STRIP1: variants seen among roughly 807,000 people sequenced by gnomAD.
STRIP1 encodes the protein striatin interacting protein 1, also known as striatin-interacting protein 1.
Under a neutral mutation model 106.2 loss-of-function variants are expected in STRIP1, and 63 were observed. That is an observed-to-expected ratio of 0.59 (90% CI 0.48 to 0.73). The LOEUF is 0.73. STRIP1 is among the 30% of genes least tolerant of loss of function. The pLI, the probability that STRIP1 is intolerant of heterozygous loss-of-function variation, is 0.00. For missense variants in STRIP1, 857 were observed against 1,074.8 expected (o/e 0.80, Z 2.83); for synonymous variants, 390 against 413.0 (o/e 0.94, Z 0.67).
chr1:110,049,380 G>C (rs933256669), intron 16 of STRIP1, 80 bp from the exon 17 acceptor site: 7 of 1,544,678 alleles, frequency 4.5e-6, no homozygotes, highest in Non-Finnish European at 6.2e-6. Context: ...TTCAGCCAAG[G>C]CCTTTCATCC....
chr1:110,038,030 G>T, intron 2 of STRIP1, 70 bp downstream of exon 2: 2 of 816,626 alleles, frequency 2.4e-6, no homozygotes, highest in Non-Finnish European at 3.9e-6. Flanking sequence ...AATTAATAAT[G>T]AATATCATTT....
At chr1:110,050,516 A>G (rs764111404) in intron 18 of STRIP1, 107 bp downstream of exon 18, 313 of 1,090,778 alleles carry the variant, frequency 2.9e-4, no homozygotes, top group Non-Finnish European at 4.1e-4. Flanking sequence ...CGCAGGTGAA[A>G]TCACTGTGGA....
Position 110,034,644 on chromosome 1 carries a change from C to G in STRIP1, c.7C>G (p.Pro3Ala). 6.6e-7 allele frequency: 1 copy of G among 1,521,302 alleles called. No homozygotes were observed. Among genetic ancestry groups the G allele is most frequent in the Non-Finnish European group, 8.8e-7 (1 of 1,135,508 alleles). 94.2% of individuals were successfully genotyped at this position (1,521,302 alleles called of 1,614,324 possible). The change falls in exon 1 of 21, where the codon CCG (proline) becomes GCG (alanine). Residue 3 changes from proline to alanine, a missense_variant. Around this residue, in one of 2 missense-constraint regions of STRIP1, gnomAD observed 107 missense variants for 85.1 expected, o/e 1.26. Transcript: ENST00000369795. ME[P>A]AVGGPGPLIV... ...GGGGTGTGGAGCAGCCAAGATGGAG[C>G]CGGCAGTCGGCGGTCCGGGCCCACT...
upstream of STRIP1, chr1:110,034,616 C>G (rs1318874666): frequency 2.1e-5 from 31 of 1,499,616 alleles, no homozygotes; most frequent in African/African-American, 5.9e-5. Context: ...GCGAGTTAAG[C>G]TGGGGGTGTG....
intron 1 of STRIP1, among the ~76,000 whole-genome samples, chr1:110,036,627 A>G (rs1652470340): frequency 6.6e-6 from 1 of 152,214 alleles, no homozygotes; most frequent in African/African-American, 2.4e-5. Context: ...GAATGCCTGG[A>G]GGACAGGGAG....
intron 20 of STRIP1, among the ~76,000 whole-genome samples, chr1:110,052,703 CAA>C (rs1337403514): frequency 6.6e-6 from 1 of 152,116 alleles, no homozygotes; most frequent in Non-Finnish European, 1.5e-5. Flanking sequence ...TTCCTGGCCT[CAA>C]GAGATGCACC....
chr1:110,034,865 GGGGTCCC>G (rs1208475335), intron 1 of STRIP1, 48 bp downstream of exon 1: 1 of 1,375,910 alleles, frequency 7.3e-7, no homozygotes, highest in East Asian at 3.1e-5. Context: ...GGCGGCGCCG[GGGGTCCC>G]GGGCCCGGGG....
chr1:110,050,691 G>A (rs534743090), intron 18 of STRIP1, among the ~76,000 whole-genome samples: 60 of 152,342 alleles, frequency 3.9e-4, no homozygotes, highest in African/African-American at 1.3e-3. Context: ...CACTGGACTC[G>A]GCAGTAGGAG....
At chr1:110,046,881 C>T in intron 13 of STRIP1, 130 bp downstream of exon 13, 1 of 607,874 alleles carries the variant, frequency 1.6e-6, no homozygotes, top group Non-Finnish European at 2.8e-6. Context: ...GAAACCCCGT[C>T]TCTACTAAAA....
chr1:110,045,831 C>T (rs1020190062), intron 12 of STRIP1, among the ~76,000 whole-genome samples: 2 of 152,098 alleles, frequency 1.3e-5, no homozygotes, highest in Non-Finnish European at 2.9e-5. Context: ...GAGGACAAGT[C>T]CGCCCTGTGT....
At chr1:110,048,295 G>T in intron 15 of STRIP1, 1 of 203,724 alleles carries the variant, frequency 4.9e-6, no homozygotes, top group Non-Finnish European at 1.0e-5. Flanking sequence ...TGGGCACGCA[G>T]AATGCTGGCA....
chr1:110,039,351 T>C (rs776356278), intron 4 of STRIP1, 44 bp from the exon 5 acceptor site: 1 of 1,613,904 alleles, frequency 6.2e-7, no homozygotes, highest in Non-Finnish European at 8.5e-7. Context: ...CTCTGCCCAC[T>C]CAGATGCAGG....
chr1:110,050,995 T>C lies in STRIP1; in HGVS notation c.1996T>C (p.Phe666Leu), dbSNP rs1214084971. Residue 666 changes from phenylalanine (F) to leucine (L), a missense_variant, in exon 19 of 21, where the codon TTT becomes CTT. This residue lies in a region of STRIP1 where 750 missense variants were observed against 989.8 expected (regional missense o/e 0.76). Coordinates refer to ENST00000369795, the MANE Select transcript of STRIP1 (RefSeq NM_033088.4). ...DSNQFCWRNL[F>L]SCINLLRILN... ...TAACCAATTTTGCTGGAGGAACCTC[T>C]TTTCTTGTATCAATCTGCTTCGGAT... 6.2e-7 allele frequency: 1 copy of C among 1,614,010 alleles called. No individual in the cohort carries two copies. The highest frequency in any genetic ancestry group is 1.7e-5 in the Admixed American group (1 of 60,032).
rs768032498 is a variant in STRIP1 at position 110,040,689 on chromosome 1, C to T, written c.636C>T (p.Asp212=). 8.1e-6 allele frequency: 13 copies of T among 1,611,516 alleles called. No homozygotes were observed. The East Asian group carries it at 2.9e-4, about 36-fold the overall frequency. The change falls in exon 6 of 21, where the codon GAC becomes GAT. Residue 212 remains aspartate, a synonymous_variant. Coordinates refer to ENST00000369795, the MANE Select transcript of STRIP1 (RefSeq NM_033088.4). ...AVRKPAISLA[D]STDLRVLLNI... Reference sequence around the variant, plus strand: ...GGAAGCCTGCCATCTCCCTGGCTGACAGCACAGACCTCAGGTGAGGCGAGC... The same window carrying T: ...GGAAGCCTGCCATCTCCCTGGCTGATAGCACAGACCTCAGGTGAGGCGAGC...
intron 19 of STRIP1, among the ~76,000 whole-genome samples, chr1:110,051,447 T>G (rs943047396): frequency 6.6e-6 from 1 of 152,188 alleles, no homozygotes; most frequent in African/African-American, 2.4e-5. Context: ...TCCATAGCTT[T>G]CTTCAGATTC....
intron 20 of STRIP1, among the ~76,000 whole-genome samples, chr1:110,052,922 C>T (rs759367659): frequency 1.5e-4 from 23 of 152,336 alleles, no homozygotes; most frequent in Non-Finnish European, 1.6e-4. Flanking sequence ...TGAGTAAAAT[C>T]CTTCATTAGC....
At chr1:110,040,451 G>A (rs1446511082) in intron 5 of STRIP1, among the ~76,000 whole-genome samples, 184 bp from the exon 6 acceptor site, 2 of 152,218 alleles carry the variant, frequency 1.3e-5, no homozygotes, top group East Asian at 3.8e-4. Context: ...CGAAGTACTG[G>A]GATTACAGGC....
rs903102995 is a variant in STRIP1 at position 110,047,837 on chromosome 1, C to T, written c.1629C>T (p.Asn543=). The part of the protein sequence containing the change: ...PTSKAKTDSI[N]ILADVLPEEM... ...CAAAAGCCAAAACAGACTCAATCAA[C>T]ATCCTAGCGGACGTCTTGCCTGAGG... Residue 543 remains asparagine (N), a synonymous_variant, in exon 15 of 21, where the codon AAC becomes AAT. Coordinates refer to ENST00000369795, the MANE Select transcript of STRIP1 (RefSeq NM_033088.4). The T allele has an allele frequency of 1.4e-5, 22 of 1,565,698 alleles. 1 individual carries two copies. The Admixed American group carries it at 3.6e-4, about 26-fold the overall frequency.
chr1:110,043,983 G>A, intron 10 of STRIP1, 127 bp downstream of exon 10: 2 of 892,294 alleles, frequency 2.2e-6, no homozygotes, highest in Non-Finnish European at 3.6e-6. Flanking sequence ...GCTCTGGGAT[G>A]AGGCTCTCTT....
Sources: gnomAD v4.1 joint callset for allele counts (sites outside exome capture counted in the v4.1 genomes callset) on GRCh38, gnomAD v4.1.1 for gene constraint, gnomAD v4.1.1 regional missense constraint, MANE v1.5 for transcripts, NCBI Gene and HGNC (gene_info 2026-07-23, HGNC 2026-07-21) for gene names.